CLECL1: variants seen among roughly 807,000 people sequenced by gnomAD.
The protein encoded by CLECL1 is C-type lectin-like domain family 1.
chr12:9,703,974 G>A, the CLECL1 span: 1 of 152,114 alleles, frequency 6.6e-6, no homozygotes, highest in Admixed American at 6.5e-5. Context: ...CCACCTTAAT[G>A]TTACTCTTTA....
downstream of CLECL1, among the ~76,000 whole-genome samples, chr12:9,718,192 T>G (rs753305639): frequency 1.3e-5 from 2 of 152,264 alleles, no homozygotes; most frequent in African/African-American, 4.8e-5. Flanking sequence ...ATATTTATAT[T>G]TTCCACATTT....
chr12:9,732,838 G>T, intron 1 of CLECL1, 111 bp downstream of exon 1: 1 of 827,582 alleles, frequency 1.2e-6, no homozygotes, highest in Non-Finnish European at 1.9e-6. Context: ...AATGAATTTT[G>T]CTTTGAATCC....
chr12:9,708,775 G>A, the CLECL1 span: 1 of 166,746 alleles, frequency 6.0e-6, no homozygotes, highest in Non-Finnish European at 1.3e-5. Flanking sequence ...GACAAAAGGT[G>A]GAAAGTGAAG....
downstream of CLECL1, among the ~76,000 whole-genome samples, chr12:9,719,342 T>C (rs984918511): frequency 6.6e-6 from 1 of 151,996 alleles, no homozygotes; most frequent in Admixed American, 6.6e-5. Flanking sequence ...CTGGCTAACA[T>C]GGAGAAACCC....
downstream of CLECL1, among the ~76,000 whole-genome samples, chr12:9,714,810 T>C (rs1565479518): frequency 6.6e-6 from 1 of 152,332 alleles, no homozygotes; most frequent in East Asian, 1.9e-4. Context: ...AAGTGACATT[T>C]AGAGACTGGG....
intron 3 of CLECL1, among the ~76,000 whole-genome samples, chr12:9,724,406 A>G (rs1032384258): frequency 6.6e-6 from 1 of 152,200 alleles, no homozygotes; most frequent in Admixed American, 6.5e-5. Context: ...TGTGGAAGTT[A>G]GAAGTATCAG....
At chr12:9,714,733 G>C (rs1293727542), downstream of CLECL1, among the ~76,000 whole-genome samples, 1 of 152,146 alleles carries the variant, frequency 6.6e-6, no homozygotes, top group African/African-American at 2.4e-5. Context: ...TGGGTCTGTA[G>C]GAACTAATTC....
At chr12:9,727,909 G>T (rs1395087688) in intron 2 of CLECL1, among the ~76,000 whole-genome samples, 1 of 151,736 alleles carries the variant, frequency 6.6e-6, no homozygotes, top group African/African-American at 2.4e-5. Flanking sequence ...ATGACCAGAA[G>T]AATAAGCACT....
At chr12:9,713,225 T>A (rs985178284), downstream of CLECL1, among the ~76,000 whole-genome samples, 2 of 152,220 alleles carry the variant, frequency 1.3e-5, no homozygotes, top group Admixed American at 1.3e-4. Context: ...AATCTATGAA[T>A]AACATCGGTT....
chr12:9,722,604 A>G (rs1390604256), downstream of CLECL1: 1 of 1,560,618 alleles, frequency 6.4e-7, no homozygotes, highest in Non-Finnish European at 8.7e-7. Flanking sequence ...ATTCACTGCC[A>G]GTGTGGGGGA....
chr12:9,710,295 C>T, the CLECL1 span, among the ~76,000 whole-genome samples: 1 of 152,138 alleles, frequency 6.6e-6, no homozygotes, highest in Non-Finnish European at 1.5e-5. Context: ...ATGATGGCTC[C>T]GCTTTGCTAG....
At chr12:9,714,278 C>A (rs1051775699), downstream of CLECL1, among the ~76,000 whole-genome samples, 2 of 152,184 alleles carry the variant, frequency 1.3e-5, no homozygotes, top group African/African-American at 2.4e-5. Context: ...TCACCTATGG[C>A]TATGCTTCTT....
At chr12:9,731,908 AC>A (rs1724511308) in intron 1 of CLECL1, among the ~76,000 whole-genome samples, 1 of 152,226 alleles carries the variant, frequency 6.6e-6, no homozygotes, top group African/African-American at 2.4e-5. Context: ...GAAACTAACT[AC>A]AGGACATTTT....
chr12:9,732,502 A>G (rs889942737), intron 1 of CLECL1, among the ~76,000 whole-genome samples: 1 of 152,192 alleles, frequency 6.6e-6, no homozygotes, highest in South Asian at 2.1e-4. Context: ...TGTTTTCTTA[A>G]GTTTACATTT....
downstream of CLECL1, chr12:9,722,507 A>G (rs111946855): frequency 1.7e-3 from 2,353 of 1,366,834 alleles, 56 homozygotes; most frequent in African/African-American, 0.031. Flanking sequence ...TAATTCAACA[A>G]TTCATTCAAC....
chr12:9,720,641 G>C (rs948490209), downstream of CLECL1, among the ~76,000 whole-genome samples: 2 of 151,942 alleles, frequency 1.3e-5, no homozygotes, highest in Non-Finnish European at 2.9e-5. Flanking sequence ...GCGCCCAGCC[G>C]CCACCTCTGT....
the CLECL1 span, among the ~76,000 whole-genome samples, chr12:9,710,795 G>C: frequency 1.3e-5 from 2 of 152,262 alleles, no homozygotes; most frequent in African/African-American, 4.8e-5. Context: ...AGTTTGGCTG[G>C]GGCAGCTGGA....
chr12:9,733,408 C>T (rs886624490), upstream of CLECL1: 5 of 573,758 alleles, frequency 8.7e-6, no homozygotes, highest in Non-Finnish European at 1.5e-5. Flanking sequence ...CTGGCGGAAA[C>T]TCTGAATTTC....
At chr12:9,718,232 A>G (rs767991576), downstream of CLECL1, among the ~76,000 whole-genome samples, 1 of 143,526 alleles carries the variant, frequency 7.0e-6, no homozygotes, top group Non-Finnish European at 1.5e-5. Flanking sequence ...TATGTCCCCA[A>G]ATATGATCCA....
Sources: gnomAD v4.1 joint callset for allele counts (sites outside exome capture counted in the v4.1 genomes callset) on GRCh38, gnomAD v4.1.1 for gene constraint, MANE v1.5 for transcripts, NCBI Gene and HGNC (gene_info 2026-07-23, HGNC 2026-07-21) for gene names.